Variants in ERI2 observed in about 807,000 individuals in gnomAD.
ERI2 encodes the protein ERI1 exoribonuclease 2.
In ERI2, 35 loss-of-function variants were observed where a neutral mutation model predicts 46.8. That is an observed-to-expected ratio of 0.75 (90% CI 0.57 to 0.99). The LOEUF (loss-of-function observed/expected upper bound fraction) is 0.99, where lower values mean the gene tolerates loss of function less well. ERI2 is among the 50% of genes least tolerant of loss of function. The pLI is 0.00. For missense variants in ERI2, 695 were observed against 796.2 expected (o/e 0.87, Z 1.53); for synonymous variants, 224 against 271.0 (o/e 0.83, Z 1.70).
chr16:20,806,097 G>C, intron 1 of ERI2: 1 of 1,290,642 alleles, frequency 7.7e-7, no homozygotes, highest in Non-Finnish European at 9.8e-7. Flanking sequence ...CAGTCTGCAG[G>C]GCACTGTCAC....
intron 1 of ERI2, 24 bp downstream of exon 1, chr16:20,806,384 C>T (rs1172281560): frequency 1.0e-5 from 16 of 1,549,826 alleles, no homozygotes; most frequent in Non-Finnish European, 1.4e-5. Flanking sequence ...CTACCCGCCC[C>T]CGACCCGGAA....
At chr16:20,784,591 A>C (rs2080428365) in intron 10 of ERI2, 1 of 161,644 alleles carries the variant, frequency 6.2e-6, no homozygotes, top group East Asian at 1.8e-4. Flanking sequence ...ATGACATGCA[A>C]ATTTTTGAAG....
intron 10 of ERI2, among the ~76,000 whole-genome samples, chr16:20,782,378 T>C (rs1271147045): frequency 6.6e-6 from 1 of 152,124 alleles, no homozygotes; most frequent in Non-Finnish European, 1.5e-5. Context: ...ATGTATAGTC[T>C]TTTATCCCTC....
At chr16:20,803,754 G>C in intron 1 of ERI2, 84 bp from the exon 2 acceptor site, 1 of 1,467,898 alleles carries the variant, frequency 6.8e-7, no homozygotes, top group Non-Finnish European at 9.4e-7. Context: ...ATGGTACTGG[G>C]CAACAATCTC....
intron 1 of ERI2, 55 bp downstream of exon 1, chr16:20,806,353 A>G (rs1002901229): frequency 1.9e-6 from 3 of 1,545,662 alleles, no homozygotes; most frequent in Admixed American, 3.9e-5. Context: ...TCTGCGGCCA[A>G]CGCCAGCGCT....
Position 20,796,408 on chromosome 16 carries a change from G to A in ERI2, c.*1316C>T, listed in dbSNP as rs1328984397. 1.2e-6 allele frequency: 2 copies of A among 1,613,680 alleles called. No homozygotes were observed. The highest frequency in any genetic ancestry group is 1.3e-5 in the African/African-American group (1 of 74,970). On this transcript the variant is annotated 3_prime_UTR_variant, in exon 9 of 9. Coordinates refer to ENST00000357967, the MANE Select transcript of ERI2 (RefSeq NM_001142725.2). ...TTGTCGTTCTAAATCCTGATTACAA[G>A]TCACATGATCAAGAACAACTAATAA... is the stretch of plus-strand genomic sequence containing the variant.
Position 20,797,198 on chromosome 16 carries a change from A to G in ERI2, c.*526T>C. On this transcript the variant is annotated 3_prime_UTR_variant, in exon 9 of 9. Coordinates refer to ENST00000357967, the MANE Select transcript of ERI2 (RefSeq NM_001142725.2). ...TCCTATCATTTCTTAATATAAAAAT[A>G]ATACCATCAATTGCTGATTAATTTT... 8.0e-7 allele frequency: 1 copy of G among 1,248,436 alleles called. No individual in the cohort carries two copies. Among genetic ancestry groups the G allele is most frequent in the Non-Finnish European group, 1.0e-6 (1 of 995,758 alleles). The allele number at this position is 1,248,436 out of a possible 1,614,324, so 77.3% of individuals were successfully genotyped here.
downstream of ERI2, chr16:20,791,881 T>C: frequency 8.5e-7 from 1 of 1,179,208 alleles, no homozygotes; most frequent in Non-Finnish European, 1.2e-6. Context: ...TAAGCCAAGA[T>C]CGTACTACTG....
intron 7 of ERI2, chr16:20,799,562 A>G: frequency 5.3e-6 from 3 of 561,726 alleles, no homozygotes; most frequent in Non-Finnish European, 9.3e-6. Flanking sequence ...GCTCGTCCAC[A>G]TTTATAGAGG....
At chr16:20,792,317 A>G, downstream of ERI2, 1 of 1,614,076 alleles carries the variant, frequency 6.2e-7, no homozygotes, top group East Asian at 2.2e-5. Context: ...TCAGCAGCCC[A>G]GACCCCATCA....
chr16:20,797,735 T>A lies in ERI2; in HGVS notation c.2065A>T (p.Met689Leu). The A allele has an allele frequency of 4.5e-6, 7 of 1,544,766 alleles. No homozygotes were observed. The highest frequency in any genetic ancestry group is 6.1e-6 in the Non-Finnish European group (7 of 1,144,428). Residue 689 changes from methionine to leucine, a missense_variant, in exon 9 of 9, where the codon ATG (methionine) becomes TTG (leucine). Coordinates refer to ENST00000357967, the MANE Select transcript of ERI2 (RefSeq NM_001142725.2). ...TKNSLRLRPS[M>L]RN ...TACATGAAAGGTTATCAATTCCTCATTGAAGGCCTGAGTCTCAAAGAATTT... is the reference window on the plus strand; with the variant it reads ...TACATGAAAGGTTATCAATTCCTCAATGAAGGCCTGAGTCTCAAAGAATTT...
downstream of ERI2, chr16:20,792,133 A>G: frequency 6.2e-7 from 1 of 1,614,110 alleles, no homozygotes; most frequent in Non-Finnish European, 8.5e-7. Flanking sequence ...CCTCTGGGTA[A>G]CTTTCTTTTC....
rs748082183 is a variant in ERI2, at chr16:20,798,230, T to C, written c.1570A>G (p.Lys524Glu). The stretch of plus-strand genomic sequence containing the variant: ...GTACCACCTGAAAGAAGAGGATGTT[T>C]CCCCAAAACTAAAGGATGAGACATA... ...ANMSHPLVLG[K>E]HPLLSGGTKR... The change falls in exon 9 of 9, where the codon AAA becomes GAA. Residue 524 changes from lysine (K) to glutamate (E), a missense_variant. By Grantham distance (56) the Lys-to-Glu change is moderately conservative (BLOSUM62 1). Coordinates refer to ENST00000357967, the MANE Select transcript of ERI2 (RefSeq NM_001142725.2). The C allele has an allele frequency of 6.4e-7, 1 of 1,551,632 alleles. No individual in the cohort carries two copies. Among genetic ancestry groups the C allele is most frequent in the South Asian group, 1.2e-5 (1 of 84,052 alleles).
intron 4 of ERI2, among the ~76,000 whole-genome samples, chr16:20,802,594 T>C (rs1322460326): frequency 6.7e-6 from 1 of 150,172 alleles, no homozygotes; most frequent in African/African-American, 2.5e-5. Flanking sequence ...TTTTTTTTTT[T>C]AGAGATGGGG....
At chr16:20,782,810 C>T (rs1254840682) in intron 10 of ERI2, among the ~76,000 whole-genome samples, 1 of 152,164 alleles carries the variant, frequency 6.6e-6, no homozygotes, top group Non-Finnish European at 1.5e-5. Context: ...CTTACATTTC[C>T]CAGCTTATTA....
At chr16:20,787,172 A>G (rs770901736) in intron 10 of ERI2, among the ~76,000 whole-genome samples, 1 of 152,236 alleles carries the variant, frequency 6.6e-6, no homozygotes, top group Non-Finnish European at 1.5e-5. Flanking sequence ...TCAACTTATG[A>G]TAGGGTTATG....
In ERI2 at chr16:20,798,019, G is replaced by C; in HGVS notation, c.1781C>G (p.Pro594Arg). The change falls in exon 9 of 9, where the codon CCT (proline) becomes CGT (arginine). Residue 594 changes from proline to arginine, a missense_variant. By Grantham distance (103) the Pro-to-Arg change is moderately radical. Coordinates refer to ENST00000357967, the MANE Select transcript of ERI2 (RefSeq NM_001142725.2). ...TCTCCGACCACACTTGCATAATGGA[G>C]GTGTCATTTTCCCACTCTTCCATGG... ...QEPWKSGKMT[P>R]PLCKCGRRSK... is the part of the protein sequence containing the mutation. 6.4e-7 allele frequency: 1 copy of C among 1,551,844 alleles called. No homozygotes were observed. Among genetic ancestry groups the C allele is most frequent in the South Asian group, 1.2e-5 (1 of 84,064 alleles).
intron 3 of ERI2, 141 bp from the exon 4 acceptor site, chr16:20,803,064 G>T: frequency 1.2e-6 from 1 of 831,208 alleles, no homozygotes; most frequent in Non-Finnish European, 1.7e-6. Context: ...AAAGCAGTGT[G>T]ACATAAAGGT....
chr16:20,797,641 A>G lies in ERI2; in HGVS notation c.*83T>C. 1 of 1,376,070 alleles carries G rather than the reference A, an allele frequency of 7.3e-7. No individual in the cohort carries two copies. Among genetic ancestry groups the G allele is most frequent in the Non-Finnish European group, 9.4e-7 (1 of 1,062,818 alleles). The allele number at this position is 1,376,070 out of a possible 1,614,324, so 85.2% of individuals were successfully genotyped here. A position where few individuals can be genotyped will look rare whatever the true frequency, so the allele number is the denominator to read the frequency against. Reference sequence around the variant, plus strand: ...TGCAGTAAACATTAATATATAAAATAAAAATAAAATAGTGTAAGATGTTAT... The same window carrying G: ...TGCAGTAAACATTAATATATAAAATGAAAATAAAATAGTGTAAGATGTTAT... On this transcript the variant is annotated 3_prime_UTR_variant, in exon 9 of 9. Coordinates refer to ENST00000357967, the MANE Select transcript of ERI2 (RefSeq NM_001142725.2).
Sources: gnomAD v4.1 joint callset for allele counts (sites outside exome capture counted in the v4.1 genomes callset) on GRCh38, gnomAD v4.1.1 for gene constraint, MANE v1.5 for transcripts, NCBI Gene and HGNC (gene_info 2026-07-23, HGNC 2026-07-21) for gene names.